Variants in ATXN1 observed in about 807,000 individuals in gnomAD.
ATXN1 encodes ataxin 1, also known as ataxin-1.
Under a neutral mutation model 56.4 loss-of-function variants are expected in ATXN1, and 8 were observed. The ratio of observed to expected loss-of-function variants is 0.14; its 90% confidence interval spans 0.08 to 0.26. The LOEUF is 0.26. ATXN1 is among the 10% of genes least tolerant of loss of function. The probability of loss-of-function intolerance (pLI) is 1.00; values close to 1 mark genes in which losing one functional copy is unlikely to be tolerated. For synonymous variants in ATXN1, 514 were observed against 494.6 expected (o/e 1.04, Z -0.52); for missense variants, 987 against 1,106.5 (o/e 0.89, Z 1.53).
intron 2 of ATXN1, among the ~76,000 whole-genome samples, chr6:16,660,240 GTT>G (rs1758288330): frequency 6.6e-6 from 1 of 152,108 alleles, no homozygotes; most frequent in African/African-American, 2.4e-5. Flanking sequence ...ATCCCTTCTT[GTT>G]TACCATTTGA....
At chr6:16,337,481 G>C (rs1274886110) in intron 6 of ATXN1, among the ~76,000 whole-genome samples, 1 of 152,202 alleles carries the variant, frequency 6.6e-6, no homozygotes, top group Non-Finnish European at 1.5e-5. Context: ...TGTCTCTGGC[G>C]GCCTGCCCAT....
chr6:16,356,493 A>G (rs563709505), intron 6 of ATXN1, among the ~76,000 whole-genome samples: 10 of 152,226 alleles, frequency 6.6e-5, no homozygotes, highest in South Asian at 2.1e-4. Flanking sequence ...TTCAGAATCT[A>G]AAGTTGAGGC....
intron 6 of ATXN1, among the ~76,000 whole-genome samples, chr6:16,341,916 C>T (rs573896801): frequency 2.2e-5 from 3 of 134,596 alleles, no homozygotes; most frequent in Admixed American, 1.7e-4. Flanking sequence ...GAGTCTCGCT[C>T]TGTCACCCAG....
At chr6:16,443,410 C>T (rs1424926554) in intron 6 of ATXN1, among the ~76,000 whole-genome samples, 1 of 152,022 alleles carries the variant, frequency 6.6e-6, no homozygotes, top group African/African-American at 2.4e-5. Context: ...ACAAGAATCA[C>T]TTTTCAAAAG....
rs543565820 is a variant in ATXN1 at position 16,710,083 on chromosome 6, A to G, written c.-615+43150T>C. 2.0e-5 allele frequency among the ~76,000 whole-genome samples: 3 copies of G among 152,352 alleles called. No individual in the cohort carries two copies. The East Asian group carries it at 5.8e-4, about 29-fold the overall frequency. On this transcript the variant is annotated intron_variant, in intron 2 of 7. Coordinates refer to ENST00000436367, the MANE Select transcript of ATXN1 (RefSeq NM_001128164.2). ...TCGTCAATCCAATAAAAGGCAAATG[A>G]AAAACCTACAGCTAACATCATGATG...
chr6:16,539,297 T>C (rs1222613057), intron 4 of ATXN1, among the ~76,000 whole-genome samples: 1 of 152,174 alleles, frequency 6.6e-6, no homozygotes, highest in African/African-American at 2.4e-5. Context: ...CTTTTCATCT[T>C]CAGCTCTGTC....
At chr6:16,573,597 G>A (rs1401927874) in intron 4 of ATXN1, among the ~76,000 whole-genome samples, 2 of 152,152 alleles carry the variant, frequency 1.3e-5, no homozygotes, top group African/African-American at 4.8e-5. Context: ...TGGGAACTCT[G>A]TGTCACCTCC....
intron 6 of ATXN1, among the ~76,000 whole-genome samples, chr6:16,361,709 C>A (rs1761812299): frequency 6.6e-6 from 1 of 152,186 alleles, no homozygotes; most frequent in South Asian, 2.1e-4. Context: ...TCCCAAACTT[C>A]TCCTCCTCCT....
chr6:16,380,540 C>G (rs1758080271), intron 6 of ATXN1, among the ~76,000 whole-genome samples: 1 of 151,616 alleles, frequency 6.6e-6, no homozygotes, highest in Non-Finnish European at 1.5e-5. Context: ...GATGTCAAAA[C>G]TAACGTGGCA....
chr6:16,562,453 A>AAGGAAAGGAAAGGAG (rs70999338), intron 4 of ATXN1, among the ~76,000 whole-genome samples: 3 of 114,640 alleles, frequency 2.6e-5, no homozygotes, highest in African/African-American at 1.4e-4. Flanking sequence ...AAAGAAAGAA[A>AAGGAAAGGAAAGGAG]AGGAGAGGAG....
chr6:16,479,197 T>C (rs1483733704), intron 6 of ATXN1, among the ~76,000 whole-genome samples: 1 of 152,164 alleles, frequency 6.6e-6, no homozygotes, highest in Non-Finnish European at 1.5e-5. Flanking sequence ...TTCAGGAATA[T>C]AAGCACAAAT....
intron 2 of ATXN1, chr6:16,737,732 G>A (rs915073181): frequency 1.3e-5 from 2 of 152,148 alleles, no homozygotes; most frequent in Non-Finnish European, 2.9e-5. Flanking sequence ...AATCCCAGAA[G>A]AGAAGTAGAA....
At chr6:16,496,201 T>C (rs1175788895) in intron 5 of ATXN1, among the ~76,000 whole-genome samples, 1 of 152,212 alleles carries the variant, frequency 6.6e-6, no homozygotes, top group Non-Finnish European at 1.5e-5. Context: ...AAAGGTGCTA[T>C]TGAAAACTTC....
In ATXN1 at chr6:16,327,075, G is replaced by A. The variant is rs1449124097; in HGVS notation, c.1236C>T (p.Asp412=). ...GCTTCCCTAAATGCAGGCCACTTTT[G>A]TCGTTGAGGGTAGAAGGGGAGGCTT... The part of the protein sequence containing the change: ...HREASPSTLN[D]KSGLHLGKPG... Residue 412 remains aspartate (D), a synonymous_variant, in exon 7 of 8, where the codon GAC becomes GAT. Coordinates refer to ENST00000436367, the MANE Select transcript of ATXN1 (RefSeq NM_001128164.2). 6.2e-7 allele frequency: 1 copy of A among 1,613,834 alleles called. No homozygotes were observed. Among genetic ancestry groups the A allele is most frequent in the Non-Finnish European group, 8.5e-7 (1 of 1,180,026 alleles).
intron 6 of ATXN1, among the ~76,000 whole-genome samples, chr6:16,424,290 T>C (rs1246383689): frequency 1.3e-5 from 2 of 152,160 alleles, no homozygotes; most frequent in Non-Finnish European, 2.9e-5. Flanking sequence ...AAGCCGGGTG[T>C]GTGCATGCGC....
chr6:16,388,520 C>T (rs185769992), intron 6 of ATXN1, among the ~76,000 whole-genome samples: 80 of 152,298 alleles, frequency 5.3e-4, no homozygotes, highest in Non-Finnish European at 9.8e-4. Flanking sequence ...AATTCTGCTA[C>T]GTCAAATAAA....
intron 6 of ATXN1, among the ~76,000 whole-genome samples, chr6:16,419,416 T>C (rs1758986179): frequency 6.6e-6 from 1 of 151,880 alleles, no homozygotes; most frequent in African/African-American, 2.4e-5. Context: ...GGTAATCATA[T>C]ACTCTTTGTA....
chr6:16,339,242 A>G (rs550850243), intron 6 of ATXN1, among the ~76,000 whole-genome samples: 1 of 152,304 alleles, frequency 6.6e-6, no homozygotes, highest in Admixed American at 6.5e-5. Flanking sequence ...CTGGGTTTCC[A>G]GGACATTAGA....
Position 16,448,317 on chromosome 6 carries a change from G to A in ATXN1, c.-161+37655C>T, listed in dbSNP as rs148584639. 6.6e-5 allele frequency among the ~76,000 whole-genome samples: 10 copies of A among 152,194 alleles called. No individual in the cohort carries two copies. In the East Asian group the frequency reaches 7.7e-4, roughly 12 times the overall value. ...TGCTGTGATGTGTCCCTCCCTGGTC[G>A]CCTTGTCTAAAAGAGCAGGCCCCCT... On this transcript the variant is annotated intron_variant, in intron 6 of 7. Transcript: ENST00000436367.
Sources: allele counts gnomAD v4.1 joint callset (sites outside exome capture counted in the v4.1 genomes callset), GRCh38; gene constraint gnomAD v4.1.1; transcripts MANE v1.5; gene names NCBI Gene and HGNC (gene_info 2026-07-23, HGNC 2026-07-21).